Variants in GABRG3 observed in about 807,000 individuals in gnomAD.
GABRG3 encodes gamma-aminobutyric acid receptor subunit gamma-3.
A neutral mutation model predicts 48.8 loss-of-function variants in GABRG3; 25 were observed. That is an observed-to-expected ratio of 0.51 (90% confidence interval 0.37 to 0.72). GABRG3 has a LOEUF of 0.72. GABRG3 is among the 30% of genes least tolerant of loss of function. GABRG3 has a pLI of 0.00. For synonymous variants in GABRG3, 227 were observed against 217.6 expected (o/e 1.04, Z -0.38); for missense variants, 394 against 577.9 (o/e 0.68, Z 3.26).
intron 3 of GABRG3, among the ~76,000 whole-genome samples, chr15:27,318,841 A>G (rs780416301): frequency 1.6e-4 from 24 of 152,134 alleles, no homozygotes; most frequent in Non-Finnish European, 2.9e-4. Flanking sequence ...GAGTGCAGTC[A>G]TTGGAAACCA....
intron 6 of GABRG3, among the ~76,000 whole-genome samples, chr15:27,499,573 T>C (rs148379640): frequency 2.4e-4 from 37 of 152,354 alleles, no homozygotes; most frequent in African/African-American, 8.9e-4. Flanking sequence ...AGTACAGTTC[T>C]GAGAATATTT....
chr15:27,146,495 G>A (rs949025641), intron 3 of GABRG3, among the ~76,000 whole-genome samples: 1 of 151,974 alleles, frequency 6.6e-6, no homozygotes, highest in African/African-American at 2.4e-5. Context: ...AGTAAAGATA[G>A]CTAAAAAGGT....
chr15:26,999,132 A>G (rs76132225), intron 2 of GABRG3, among the ~76,000 whole-genome samples: 14 of 140,218 alleles, frequency 1.0e-4, no homozygotes, highest in Non-Finnish European at 1.5e-4. Flanking sequence ...AAAATATTTG[A>G]AAAAAAAAAA....
chr15:27,406,700 C>T (rs1398365096), intron 5 of GABRG3, among the ~76,000 whole-genome samples: 1 of 152,114 alleles, frequency 6.6e-6, no homozygotes, highest in Non-Finnish European at 1.5e-5. Flanking sequence ...GTAGTGGGAT[C>T]CAAGGCTGAA....
intron 3 of GABRG3, among the ~76,000 whole-genome samples, chr15:27,176,539 C>T (rs981127813): frequency 2.0e-5 from 3 of 152,138 alleles, no homozygotes; most frequent in South Asian, 2.1e-4. Context: ...TAAGGAACTG[C>T]AAGTAAAGGC....
At chr15:27,045,603 G>A (rs1038013765) in intron 3 of GABRG3, among the ~76,000 whole-genome samples, 5 of 152,190 alleles carry the variant, frequency 3.3e-5, no homozygotes, top group Admixed American at 3.3e-4. Flanking sequence ...TGGGCATCAA[G>A]GGGCATCAGC....
chr15:27,137,288 T>A (rs1239638043), intron 3 of GABRG3, among the ~76,000 whole-genome samples: 2 of 152,180 alleles, frequency 1.3e-5, no homozygotes, highest in Admixed American at 1.3e-4. Flanking sequence ...GATTCGTCCC[T>A]ACCACTGTCT....
chr15:27,304,918 AT>A (rs1026140785), intron 3 of GABRG3, among the ~76,000 whole-genome samples: 1 of 151,786 alleles, frequency 6.6e-6, no homozygotes, highest in Non-Finnish European at 1.5e-5. Context: ...TATGATTTGC[AT>A]TTTTTTCTCC....
At position 27,155,877 on chromosome 15, in the gene GABRG3, G is replaced by A. The variant is rs150690783; in HGVS notation, c.270+129056G>A. ...CACTCTCTGAAACCACCTTAGTTGA[G>A]GGATGGATGCCTTATTGTAGCCCAG... On this transcript the variant is annotated intron_variant, in intron 3 of 9. Coordinates refer to ENST00000615808, the MANE Select transcript of GABRG3 (RefSeq NM_033223.5). 2.6e-3 allele frequency among the ~76,000 whole-genome samples: 403 copies of A among 152,266 alleles called. 1 individual carries two copies. The highest frequency in any genetic ancestry group is 9.4e-3 in the African/African-American group (390 of 41,550).
chr15:27,478,428 G>T (rs1012101663), intron 5 of GABRG3, among the ~76,000 whole-genome samples: 2 of 152,166 alleles, frequency 1.3e-5, no homozygotes, highest in Admixed American at 6.5e-5. Context: ...AGTCATTGGA[G>T]AAATACAAAT....
chr15:27,326,892 G>C lies in GABRG3; in HGVS notation c.354G>C (p.Leu118=). The C allele has an allele frequency of 1.2e-6, 2 of 1,613,926 alleles. No homozygotes were observed. Among genetic ancestry groups the C allele is most frequent in the South Asian group, 2.2e-5 (2 of 91,074 alleles). ...RFNSTMKILT[L]NSNMVGLIWI... is the part of the protein sequence containing the mutation. ...ACAGCACAATGAAAATTCTTACTCT[G>C]AACAGCAACATGGTGGGGTTAATCT... is the stretch of plus-strand genomic sequence containing the variant. The change falls in exon 4 of 10, where the codon CTG becomes CTC. Residue 118 remains leucine, a synonymous_variant. Coordinates refer to ENST00000615808, the MANE Select transcript of GABRG3 (RefSeq NM_033223.5).
Position 27,265,881 on chromosome 15 carries a change from G to GTTTTTTT in GABRG3, c.271-60928_271-60927insTTTTTTT, listed in dbSNP as rs147459440. On this transcript the variant is annotated intron_variant, in intron 3 of 9. Transcript: ENST00000615808. ...TGCAAGGTCAAGAAGATTTTCTCCT[G>GTTTTTTT]GTTTTTTTTTTTTTTTGAGAGTGAC... Among the ~76,000 whole-genome samples the GTTTTTTT allele has an allele frequency of 3.3e-4, 41 of 124,814 alleles. 9 individuals carry two copies. The highest frequency in any genetic ancestry group is 3.4e-4 in the Non-Finnish European group (22 of 63,976). The allele number at this position is 124,814 out of a possible 152,430, so 81.9% of individuals were successfully genotyped here.
chr15:27,283,601 G>A (rs934134078), intron 3 of GABRG3, among the ~76,000 whole-genome samples: 12 of 152,284 alleles, frequency 7.9e-5, no homozygotes, highest in African/African-American at 1.2e-4. Context: ...GCAAGACTCC[G>A]TCAAAAAATA....
chr15:27,027,428 T>TC (rs970433002), intron 3 of GABRG3, among the ~76,000 whole-genome samples: 12 of 152,078 alleles, frequency 7.9e-5, no homozygotes, highest in South Asian at 2.1e-4. Flanking sequence ...TGTCAGGAGC[T>TC]CCCCCCGCCT....
chr15:27,065,708 G>A (rs878873690), intron 3 of GABRG3, among the ~76,000 whole-genome samples: 14 of 152,214 alleles, frequency 9.2e-5, no homozygotes, highest in East Asian at 5.8e-4. Flanking sequence ...GCAGCCTTCC[G>A]GCAGTCACCG....
At chr15:27,162,931 G>A (rs1887244298) in intron 3 of GABRG3, among the ~76,000 whole-genome samples, 1 of 151,970 alleles carries the variant, frequency 6.6e-6, no homozygotes, top group Non-Finnish European at 1.5e-5. Flanking sequence ...TTTCTAAAAT[G>A]AAGAGCTCCA....
rs116683558 is a variant in GABRG3, at chr15:27,445,824, T to G, written c.575-34826T>G. Among the ~76,000 whole-genome samples, 897 of 152,312 alleles carry G rather than the reference T, an allele frequency of 5.9e-3. 7 individuals carry two copies. Among genetic ancestry groups the G allele is most frequent in the African/African-American group, 0.02 (850 of 41,576 alleles). ...ATTTTGAATTCATATTTGCATATGG[T>G]GAGATGAAGTAGTCCAATTTCATTC... is the stretch of plus-strand genomic sequence containing the variant. On this transcript the variant is annotated intron_variant, in intron 5 of 9. Coordinates refer to ENST00000615808, the MANE Select transcript of GABRG3 (RefSeq NM_033223.5).
At chr15:27,336,211 AGAG>A (rs1893963154) in intron 5 of GABRG3, among the ~76,000 whole-genome samples, 8 of 107,068 alleles carry the variant, frequency 7.5e-5, no homozygotes, top group African/African-American at 4.7e-4. Context: ...AGAAAGAAAG[AGAG>A]AGAGAGAGAG....
At chr15:27,400,012 A>G (rs558752650) in intron 5 of GABRG3, among the ~76,000 whole-genome samples, 3 of 152,238 alleles carry the variant, frequency 2.0e-5, no homozygotes, top group African/African-American at 7.2e-5. Flanking sequence ...TGCTCATTTT[A>G]TTTTAGTTTT....
Sources: allele counts gnomAD v4.1 joint callset (sites outside exome capture counted in the v4.1 genomes callset), GRCh38; gene constraint gnomAD v4.1.1; transcripts MANE v1.5; gene names NCBI Gene and HGNC (gene_info 2026-07-23, HGNC 2026-07-21).